ADAMTS20: variants seen among roughly 807,000 people sequenced by gnomAD.
ADAMTS20 encodes the protein A disintegrin and metalloproteinase with thrombospondin motifs 20.
In ADAMTS20, 225 loss-of-function variants were observed where a neutral mutation model predicts 260.1. That is an observed-to-expected ratio of 0.87 (90% CI 0.78 to 0.97). ADAMTS20 has a LOEUF of 0.97. Among genes scored for constraint, ADAMTS20 ranks in the 50% least tolerant of loss-of-function variants. The probability of loss-of-function intolerance (pLI) is 0.00; values close to 1 mark genes in which losing one functional copy is unlikely to be tolerated. For synonymous variants in ADAMTS20, 802 were observed against 769.5 expected (o/e 1.04, Z -0.70); for missense variants, 2,400 against 2,337.7 (o/e 1.03, Z -0.55).
Position 43,375,371 on chromosome 12 carries a change from G to A in ADAMTS20, c.5446+8C>T. The A allele has an allele frequency of 6.2e-7, 1 of 1,610,522 alleles. No individual in the cohort carries two copies. Among genetic ancestry groups the A allele is most frequent in the African/African-American group, 1.3e-5 (1 of 74,586 alleles). Reference sequence around the variant, plus strand: ...TTTTTGATTTTAAAATATAGATTGAGCACTTACTTTTAATTTGCATGGAAG... The same window carrying A: ...TTTTTGATTTTAAAATATAGATTGAACACTTACTTTTAATTTGCATGGAAG... On this transcript the variant is annotated splice_region_variant and intron_variant, in intron 36 of 38. Coordinates refer to ENST00000389420, the MANE Select transcript of ADAMTS20 (RefSeq NM_025003.5).
chr12:43,516,818 T>G (rs1356252088), intron 3 of ADAMTS20, among the ~76,000 whole-genome samples: 1 of 152,000 alleles, frequency 6.6e-6, no homozygotes, highest in South Asian at 2.1e-4. Context: ...CAAACTAAAT[T>G]TTTTACTCTT....
chr12:43,514,236 GC>G (rs892487832), intron 3 of ADAMTS20, among the ~76,000 whole-genome samples: 5 of 151,498 alleles, frequency 3.3e-5, no homozygotes, highest in Admixed American at 3.3e-4. Flanking sequence ...AAAGGCATGA[GC>G]CCCCATGCCT....
intron 7 of ADAMTS20, among the ~76,000 whole-genome samples, chr12:43,487,437 G>A (rs548905956): frequency 6.6e-6 from 1 of 151,750 alleles, no homozygotes; most frequent in South Asian, 2.1e-4. Flanking sequence ...GTGGGAGGGT[G>A]GGAGGGGGGT....
chr12:43,420,997 G>A (rs1050164022), intron 28 of ADAMTS20, among the ~76,000 whole-genome samples: 10 of 150,130 alleles, frequency 6.7e-5, no homozygotes, highest in Non-Finnish European at 1.3e-4. Context: ...TAGTAGAGAC[G>A]GGGGTTTCAC....
intron 28 of ADAMTS20, chr12:43,423,507 CA>C: frequency 1.9e-6 from 1 of 535,540 alleles, no homozygotes; most frequent in Non-Finnish European, 3.3e-6. Flanking sequence ...AATGCCATTA[CA>C]ATTCAATCTC....
intron 15 of ADAMTS20, among the ~76,000 whole-genome samples, chr12:43,444,781 T>G (rs1289345692): frequency 2.0e-5 from 3 of 152,184 alleles, no homozygotes; most frequent in Non-Finnish European, 4.4e-5. Context: ...GTAATTTTTC[T>G]CATACACTAC....
At chr12:43,452,129 G>T in intron 14 of ADAMTS20, 145 bp downstream of exon 14, 1 of 797,640 alleles carries the variant, frequency 1.3e-6, no homozygotes, top group Non-Finnish European at 1.9e-6. Context: ...TACTTCTATA[G>T]ATAGCATGAT....
chr12:43,551,918 A>T lies in ADAMTS20; in HGVS notation c.4T>A (p.Trp2Arg). The change falls in exon 1 of 39, where the codon TGG becomes AGG. Residue 2 changes from tryptophan (W) to arginine (R), a missense_variant. Physicochemically the swap from Trp to Arg is moderately radical, Grantham distance 101 (BLOSUM62 -3). Coordinates refer to ENST00000389420, the MANE Select transcript of ADAMTS20 (RefSeq NM_025003.5). This position sits in a 1 kb window ranked among gnomAD's most constrained non-coding sequence, Gnocchi z 4.6. MWVAKWLTGLLY... is the reference protein window; with the variant it reads MRVAKWLTGLLY... ...AGCCCAGTCAGCCACTTGGCCACCC[A>T]CATGGTTCCACCCTGGGGACCCCGA... 6.2e-7 allele frequency: 1 copy of T among 1,613,390 alleles called. No individual in the cohort carries two copies. Among genetic ancestry groups the T allele is most frequent in the Non-Finnish European group, 8.5e-7 (1 of 1,179,670 alleles).
chr12:43,370,017 C>T (rs746019243), intron 36 of ADAMTS20, among the ~76,000 whole-genome samples: 15 of 152,104 alleles, frequency 9.9e-5, no homozygotes, highest in Non-Finnish European at 1.5e-4. Flanking sequence ...AAGTCAGCTG[C>T]TTCAATCACC....
intron 3 of ADAMTS20, among the ~76,000 whole-genome samples, chr12:43,530,559 T>G (rs1408405217): frequency 1.3e-5 from 2 of 152,188 alleles, no homozygotes; most frequent in Non-Finnish European, 2.9e-5. Flanking sequence ...CATATCATTA[T>G]ATCTCAAAAC....
At chr12:43,370,601 C>A (rs942389931) in intron 36 of ADAMTS20, among the ~76,000 whole-genome samples, 1 of 152,184 alleles carries the variant, frequency 6.6e-6, no homozygotes, top group Non-Finnish European at 1.5e-5. Context: ...TCCAGTCCAC[C>A]TGACTCTGAT....
At chr12:43,418,396 G>A (rs959802927) in intron 28 of ADAMTS20, among the ~76,000 whole-genome samples, 13 of 152,058 alleles carry the variant, frequency 8.5e-5, no homozygotes, top group Non-Finnish European at 1.6e-4. Context: ...TGCAACCTCC[G>A]CCTCCCAGGT....
At chr12:43,502,446 G>A (rs925735341) in intron 3 of ADAMTS20, 41 bp from the exon 4 acceptor site, 4 of 1,545,716 alleles carry the variant, frequency 2.6e-6, no homozygotes, top group East Asian at 4.6e-5. Flanking sequence ...CCATTAAATT[G>A]GATGTGACGA....
At chr12:43,395,746 A>G (rs945758276) in intron 29 of ADAMTS20, among the ~76,000 whole-genome samples, 1 of 139,476 alleles carries the variant, frequency 7.2e-6, no homozygotes, top group Non-Finnish European at 1.5e-5. Context: ...AGAACACACT[A>G]TCTGACCATA....
chr12:43,513,369 A>T (rs530642347), intron 3 of ADAMTS20, among the ~76,000 whole-genome samples: 25 of 152,332 alleles, frequency 1.6e-4, no homozygotes, highest in Admixed American at 1.5e-3. Flanking sequence ...TCCTGCATAC[A>T]TTGGGAACTG....
chr12:43,358,618 C>T (rs1939797228), intron 37 of ADAMTS20, among the ~76,000 whole-genome samples: 1 of 151,796 alleles, frequency 6.6e-6, no homozygotes, highest in Admixed American at 6.6e-5. Flanking sequence ...ACGGGCGGAT[C>T]ACGAGGTCAG....
At chr12:43,418,598 T>C (rs1941175567) in intron 28 of ADAMTS20, among the ~76,000 whole-genome samples, 2 of 152,198 alleles carry the variant, frequency 1.3e-5, no homozygotes, top group South Asian at 2.1e-4. Context: ...CATGAGCCAC[T>C]GCACCCAGGC....
In ADAMTS20 at chr12:43,432,802, A is replaced by C. The variant is rs776179030; in HGVS notation, c.2730T>G (p.Val910=). The change falls in exon 20 of 39, where the codon GTT becomes GTG. Residue 910 remains valine, a synonymous_variant. Coordinates refer to ENST00000389420, the MANE Select transcript of ADAMTS20 (RefSeq NM_025003.5). ...GGGATGAACATTCACTTTTGCCAAT[A>C]ACATGCCACCTTGAAAAAAGATGTT... The part of the protein sequence containing the change: ...CNTDCELRWH[V]IGKSECSSQC... 9.9e-6 allele frequency: 16 copies of C among 1,613,386 alleles called. No individual in the cohort carries two copies. Among genetic ancestry groups the C allele is most frequent in the Non-Finnish European group, 1.2e-5 (14 of 1,179,438 alleles).
chr12:43,428,656 C>T lies in ADAMTS20; in HGVS notation c.3633G>A (p.Trp1211Ter). Reference sequence around the variant, plus strand: ...TTACGGGTGACCAATCCCCTGCTTGCCACTCTCCACAAGGGGTAAAACAGT... The same window carrying T: ...TTACGGGTGACCAATCCCCTGCTTGTCACTCTCCACAAGGGGTAAAACAGT... The part of the protein sequence containing the change: ...IWDCFTPCGE[W>*]QAGDWSPCSA... Residue 1211 changes from tryptophan (W) to a stop codon, truncating the protein, a stop_gained, in exon 25 of 39, where the codon TGG becomes TGA. Coordinates refer to ENST00000389420, the MANE Select transcript of ADAMTS20 (RefSeq NM_025003.5). LOFTEE classifies it high-confidence loss of function. 1.3e-6 allele frequency: 2 copies of T among 1,593,386 alleles called. No homozygotes were observed. The highest frequency in any genetic ancestry group is 1.7e-5 in the Admixed American group (1 of 59,000).
Sources: allele counts gnomAD v4.1 joint callset (sites outside exome capture counted in the v4.1 genomes callset), GRCh38; gene constraint gnomAD v4.1.1; non-coding constraint Gnocchi (gnomAD v3.1); transcripts MANE v1.5; gene names NCBI Gene and HGNC (gene_info 2026-07-23, HGNC 2026-07-21).